TMEM132D: variants seen among roughly 807,000 people sequenced by gnomAD.
TMEM132D encodes mature OL transmembrane protein.
In TMEM132D, 21 loss-of-function variants were observed where a neutral mutation model predicts 62.3. That is an observed-to-expected ratio of 0.34 (90% CI 0.24 to 0.49). The LOEUF is 0.49. TMEM132D is among the 20% of genes least tolerant of loss of function. The probability of loss-of-function intolerance (pLI) is 0.99; values close to 1 mark genes in which losing one functional copy is unlikely to be tolerated. For synonymous variants in TMEM132D, 621 were observed against 575.6 expected (o/e 1.08, Z -1.13); for missense variants, 1,346 against 1,402.8 (o/e 0.96, Z 0.65).
chr12:129,463,469 T>TTTATTA lies in TMEM132D; in HGVS notation c.1115+67589_1115+67590insTAATAA, dbSNP rs1566077499. Among the ~76,000 whole-genome samples the TTTATTA allele has an allele frequency of 9.3e-5, 10 of 107,636 alleles. No homozygotes were observed. In the East Asian group the frequency reaches 2.2e-3, roughly 24 times the overall value. 70.6% of individuals were successfully genotyped at this position (107,636 alleles called of 152,430 possible). A position where few individuals can be genotyped will look rare whatever the true frequency, so the allele number is the denominator to read the frequency against. ...ATTTATTTATTTATTTATTTATTTA[T>TTTATTA]GTATTATTATTATTATTATTATACT... On this transcript the variant is annotated intron_variant, in intron 3 of 8. Coordinates refer to ENST00000422113, the MANE Select transcript of TMEM132D (RefSeq NM_133448.3).
intron 1 of TMEM132D, among the ~76,000 whole-genome samples, chr12:129,891,740 C>T (rs1874931525): frequency 6.6e-6 from 1 of 152,110 alleles, no homozygotes; most frequent in Non-Finnish European, 1.5e-5. Flanking sequence ...AACATAGAAA[C>T]TTTGAAGCCA....
intron 4 of TMEM132D, among the ~76,000 whole-genome samples, chr12:129,265,467 T>G (rs1880661468): frequency 6.6e-6 from 1 of 152,122 alleles, no homozygotes. Context: ...TGGTAAGTAA[T>G]CCACCACACC....
intron 5 of TMEM132D, among the ~76,000 whole-genome samples, chr12:129,134,341 T>C (rs950784654): frequency 1.3e-5 from 2 of 152,222 alleles, no homozygotes; most frequent in Non-Finnish European, 2.9e-5. Flanking sequence ...TGGATATGTT[T>C]GTTTTCTTTA....
At chr12:129,452,650 T>C (rs1300229013) in intron 3 of TMEM132D, among the ~76,000 whole-genome samples, 5 of 151,952 alleles carry the variant, frequency 3.3e-5, no homozygotes, top group Admixed American at 3.3e-4. Flanking sequence ...CCTTTGTTGA[T>C]CCATGGCTTC....
intron 1 of TMEM132D, among the ~76,000 whole-genome samples, chr12:129,891,238 C>A (rs1411594925): frequency 1.3e-5 from 2 of 152,198 alleles, no homozygotes; most frequent in Admixed American, 1.3e-4. Context: ...CTGGAAGAAA[C>A]TGCTGGATGC....
chr12:129,305,969 CA>C (rs1421544981), intron 4 of TMEM132D, among the ~76,000 whole-genome samples: 1 of 152,146 alleles, frequency 6.6e-6, no homozygotes, highest in East Asian at 1.9e-4. Flanking sequence ...GGTGCCTTCT[CA>C]AAATAAGGTC....
intron 2 of TMEM132D, among the ~76,000 whole-genome samples, chr12:129,603,034 C>T (rs1878523897): frequency 6.6e-6 from 1 of 152,148 alleles, no homozygotes; most frequent in African/African-American, 2.4e-5. Flanking sequence ...CACCAGGTCC[C>T]TCCCTCGCAC....
chr12:129,155,763 A>T (rs1237977030), intron 5 of TMEM132D, among the ~76,000 whole-genome samples: 1 of 152,166 alleles, frequency 6.6e-6, no homozygotes, highest in Non-Finnish European at 1.5e-5. Flanking sequence ...CACTCCCAAG[A>T]TAGCTAACAC....
At chr12:129,834,465 T>C (rs1872939776) in intron 1 of TMEM132D, among the ~76,000 whole-genome samples, 1 of 133,450 alleles carries the variant, frequency 7.5e-6, no homozygotes, top group Non-Finnish European at 1.6e-5. Flanking sequence ...CACTCCTGCA[T>C]ATCTCCCATA....
intron 2 of TMEM132D, among the ~76,000 whole-genome samples, chr12:129,586,881 A>G (rs2137131328): frequency 6.6e-6 from 1 of 152,316 alleles, no homozygotes; most frequent in East Asian, 1.9e-4. Flanking sequence ...AAATGGCTAT[A>G]CATGTTAAAA....
At chr12:129,085,570 C>G (rs1008129803) in intron 5 of TMEM132D, 1 of 152,278 alleles carries the variant, frequency 6.6e-6, no homozygotes, top group African/African-American at 2.4e-5. Flanking sequence ...AAGTGCACGT[C>G]ACAGGCTCCG....
At chr12:129,263,416 C>A (rs1294558603) in intron 4 of TMEM132D, among the ~76,000 whole-genome samples, 2 of 152,040 alleles carry the variant, frequency 1.3e-5, no homozygotes, top group East Asian at 3.9e-4. Flanking sequence ...GAAAGTAATA[C>A]TGAAGTATAA....
intron 3 of TMEM132D, among the ~76,000 whole-genome samples, chr12:129,510,183 T>G (rs1875457005): frequency 6.6e-6 from 1 of 152,164 alleles, no homozygotes; most frequent in South Asian, 2.1e-4. Flanking sequence ...TGAGATGATA[T>G]CTCACTATAG....
At chr12:129,329,264 A>G (rs1869024135) in intron 4 of TMEM132D, among the ~76,000 whole-genome samples, 1 of 152,138 alleles carries the variant, frequency 6.6e-6, no homozygotes, top group Admixed American at 6.6e-5. Flanking sequence ...CTCAACAAAC[A>G]CACAATGCAA....
intron 1 of TMEM132D, among the ~76,000 whole-genome samples, chr12:129,751,949 A>G (rs995642293): frequency 3.3e-5 from 5 of 152,200 alleles, no homozygotes; most frequent in Non-Finnish European, 2.9e-5. Flanking sequence ...TAATCTCATC[A>G]GGGACTCTAA....
At chr12:129,802,740 T>A (rs1262687294) in intron 1 of TMEM132D, among the ~76,000 whole-genome samples, 1 of 151,508 alleles carries the variant, frequency 6.6e-6, no homozygotes, top group African/African-American at 2.4e-5. Context: ...AGACATAGAC[T>A]GGCAAATTGG....
chr12:129,807,200 G>A (rs1261682125), intron 1 of TMEM132D, among the ~76,000 whole-genome samples: 1 of 152,178 alleles, frequency 6.6e-6, no homozygotes, highest in Non-Finnish European at 1.5e-5. Flanking sequence ...TAATTAGCAA[G>A]GACCCTGGAG....
intron 4 of TMEM132D, among the ~76,000 whole-genome samples, chr12:129,248,468 G>A (rs1025370018): frequency 6.6e-5 from 10 of 151,968 alleles, no homozygotes; most frequent in African/African-American, 2.4e-4. Context: ...TTCTGAAATT[G>A]CTAGATCCCC....
chr12:129,477,977 T>C (rs947037054), intron 3 of TMEM132D, among the ~76,000 whole-genome samples: 3 of 152,162 alleles, frequency 2.0e-5, no homozygotes, highest in African/African-American at 7.2e-5. Flanking sequence ...AGAGTGGACT[T>C]ACACGAACCA....
Sources: allele counts gnomAD v4.1 joint callset (sites outside exome capture counted in the v4.1 genomes callset), GRCh38; gene constraint gnomAD v4.1.1; transcripts MANE v1.5; gene names NCBI Gene and HGNC (gene_info 2026-07-23, HGNC 2026-07-21).